Variants in DYRK4 observed in about 807,000 individuals in gnomAD.
DYRK4 encodes the protein dual specificity tyrosine-phosphorylation-regulated kinase 4.
Under a neutral mutation model 68.3 loss-of-function variants are expected in DYRK4, and 64 were observed. The observed-to-expected ratio is 0.94, with a 90% CI of 0.77 to 1.15. The LOEUF is 1.15. Among genes scored for constraint, DYRK4 ranks in the 50% most tolerant of loss-of-function variants. DYRK4 has a pLI of 0.00. For synonymous variants in DYRK4, 274 were observed against 289.9 expected (o/e 0.95, Z 0.56); for missense variants, 740 against 764.7 (o/e 0.97, Z 0.38).
intron 2 of DYRK4, chr12:4,572,857 C>T: frequency 6.2e-6 from 1 of 161,710 alleles, no homozygotes; most frequent in South Asian, 1.7e-4. Flanking sequence ...AAGGGGCTTC[C>T]TGCAAGAGAC....
At chr12:4,588,454 CT>C (rs781387976) in intron 2 of DYRK4, among the ~76,000 whole-genome samples, 21 of 152,212 alleles carry the variant, frequency 1.4e-4, no homozygotes, top group Non-Finnish European at 2.5e-4. Context: ...TCTCCTCACC[CT>C]TCTAGGCGTG....
rs1292253341 is a variant in DYRK4, at chr12:4,568,050, T to G, written c.132+2T>G. On this transcript the variant is annotated splice_donor_variant, in intron 2 of 14. Transcript: ENST00000543431. LOFTEE classifies it high-confidence loss of function. ...AAACAAAAGTTCACCTCTGCGAAGG[T>G]AAAGATCCTTGAATTTTCACTGGGG... 2 of 1,535,628 alleles carry G rather than the reference T, an allele frequency of 1.3e-6. No homozygotes were observed. The highest frequency in any genetic ancestry group is 2.0e-5 in the Admixed American group (1 of 50,980).
chr12:4,562,645 CCTTT>C (rs1297444704), intron 1 of DYRK4, among the ~76,000 whole-genome samples: 6 of 152,356 alleles, frequency 3.9e-5, no homozygotes, highest in Middle Eastern at 6.8e-3. Context: ...TTTCTTCCTC[CCTTT>C]CTTTCTCTTC....
At position 4,582,401 on chromosome 12, in the gene DYRK4, G is replaced by A. The variant is rs189028728; in HGVS notation, c.133-6536G>A. Among the ~76,000 whole-genome samples the A allele has an allele frequency of 1.7e-3, 253 of 152,282 alleles. 1 individual carries two copies. The highest frequency in any genetic ancestry group is 5.4e-3 in the African/African-American group (225 of 41,560). On this transcript the variant is annotated intron_variant, in intron 2 of 14. Coordinates refer to ENST00000543431, the MANE Select transcript of DYRK4 (RefSeq NM_001394779.1). ...GGAGGTTGCGGTGAGCCGAGATGGC[G>A]CCACTGCACTCCAGCAATAAGAGCG...
At chr12:4,600,943 G>A (rs1294909330) in intron 10 of DYRK4, among the ~76,000 whole-genome samples, 1 of 151,700 alleles carries the variant, frequency 6.6e-6, no homozygotes, top group Non-Finnish European at 1.5e-5. Context: ...CCCTATTCAG[G>A]AGCCCACCAA....
chr12:4,563,731 G>C (rs140791958), intron 1 of DYRK4, among the ~76,000 whole-genome samples: 2 of 152,326 alleles, frequency 1.3e-5, no homozygotes, highest in African/African-American at 4.8e-5. Context: ...GAGATGAGGA[G>C]ATGCAAGGGA....
In DYRK4 at chr12:4,604,925, A is replaced by C; in HGVS notation, c.1138A>C (p.Ile380Leu). 1 of 1,609,012 alleles carries C rather than the reference A, an allele frequency of 6.2e-7. No homozygotes were observed. Among genetic ancestry groups the C allele is most frequent in the Non-Finnish European group, 8.5e-7 (1 of 1,177,228 alleles). ...CTTTGCCTCCGCAGTATACACGTAC[A>C]TCCAAAGCCGGTTCTACCGATCCCC... ...CYEHQKVYTY[I>L]QSRFYRSPEV... The change falls in exon 11 of 15, where the codon ATC becomes CTC. Residue 380 changes from isoleucine to leucine, a missense_variant. Transcript: ENST00000543431.
At chr12:4,590,557 G>C (rs569648413) in intron 4 of DYRK4, 117 bp downstream of exon 4, 1 of 1,464,350 alleles carries the variant, frequency 6.8e-7, no homozygotes, top group Non-Finnish European at 9.0e-7. Context: ...CTGAAGAGGT[G>C]GGTTCTAGTC....
Position 4,607,389 on chromosome 12 carries a change from T to TCA in DYRK4, c.1360+2_1360+3insCA, listed in dbSNP as rs757298596. ...CCTCCAGGAGACAGACATTCTTTGG[T>TCA]AAGTCCTAGTGTGTCTCATGAGGTG... On this transcript the variant is annotated splice_region_variant and intron_variant, in intron 12 of 14. Transcript: ENST00000543431. 6.2e-7 allele frequency: 1 copy of TCA among 1,614,204 alleles called. No homozygotes were observed. Among genetic ancestry groups the TCA allele is most frequent in the South Asian group, 1.1e-5 (1 of 91,076 alleles).
intron 9 of DYRK4, 104 bp downstream of exon 9, chr12:4,599,270 CT>C (rs71061195): frequency 0.074 from 33,420 of 451,590 alleles, 7 homozygotes; most frequent in East Asian, 0.11. Flanking sequence ...TTGCCTTTGA[CT>C]TTTTTTTTTT....
intron 3 of DYRK4, among the ~76,000 whole-genome samples, chr12:4,589,433 T>C (rs1054809464): frequency 6.6e-6 from 1 of 152,212 alleles, no homozygotes; most frequent in Non-Finnish European, 1.5e-5. Flanking sequence ...TCTTATTCAG[T>C]GTACGTTTTT....
chr12:4,600,772 C>T (rs909424935), intron 10 of DYRK4, among the ~76,000 whole-genome samples: 5 of 151,928 alleles, frequency 3.3e-5, no homozygotes, highest in Non-Finnish European at 5.9e-5. Context: ...ACCCTGGAAG[C>T]TCTCTGAATC....
At chr12:4,598,623 G>T (rs1945045187) in intron 8 of DYRK4, among the ~76,000 whole-genome samples, 1 of 152,168 alleles carries the variant, frequency 6.6e-6, no homozygotes, top group Admixed American at 6.5e-5. Context: ...TTCCTTACTT[G>T]TCAGGAACCT....
intron 1 of DYRK4, among the ~76,000 whole-genome samples, chr12:4,566,504 G>C (rs1944678296): frequency 6.6e-6 from 1 of 152,208 alleles, no homozygotes; most frequent in Non-Finnish European, 1.5e-5. Context: ...GGCTTCCTCA[G>C]CTCCTCCAGC....
intron 11 of DYRK4, 144 bp from the exon 12 acceptor site, chr12:4,607,183 G>T (rs1045079419): frequency 7.2e-6 from 6 of 828,944 alleles, no homozygotes; most frequent in Non-Finnish European, 7.7e-6. Context: ...CTCTGGGTTT[G>T]CTCTGCTACT....
intron 6 of DYRK4, among the ~76,000 whole-genome samples, chr12:4,593,502 A>G (rs1028757516): frequency 2.0e-5 from 3 of 152,164 alleles, no homozygotes; most frequent in Non-Finnish European, 4.4e-5. Flanking sequence ...TTTTCCCAAC[A>G]TTCCCTTTTT....
At chr12:4,577,308 A>C (rs1944799443) in intron 2 of DYRK4, among the ~76,000 whole-genome samples, 1 of 152,140 alleles carries the variant, frequency 6.6e-6, no homozygotes, top group African/African-American at 2.4e-5. Context: ...ACCTCAAGTG[A>C]TCCTCTGGCC....
At chr12:4,608,586 A>G (rs1017153470) in intron 12 of DYRK4, among the ~76,000 whole-genome samples, 2 of 152,108 alleles carry the variant, frequency 1.3e-5, no homozygotes, top group Non-Finnish European at 2.9e-5. Flanking sequence ...GAGCCCTGCT[A>G]CAACTGCAGG....
chr12:4,609,639 A>G (rs776989276), intron 12 of DYRK4, among the ~76,000 whole-genome samples: 9 of 152,192 alleles, frequency 5.9e-5, no homozygotes, highest in Non-Finnish European at 1.2e-4. Context: ...GAGAAAAAAC[A>G]ATTACATGAT....
Sources: allele counts gnomAD v4.1 joint callset (sites outside exome capture counted in the v4.1 genomes callset), GRCh38; gene constraint gnomAD v4.1.1; transcripts MANE v1.5; gene names NCBI Gene and HGNC (gene_info 2026-07-23, HGNC 2026-07-21).